IRF4: variants seen among roughly 807,000 people sequenced by gnomAD.
The protein encoded by IRF4 is interferon regulatory factor 4, also known as lymphocyte-specific interferon regulatory factor.
Under a neutral mutation model 55.5 loss-of-function variants are expected in IRF4, and 13 were observed. The ratio of observed to expected loss-of-function variants is 0.23; its 90% CI spans 0.15 to 0.37. The LOEUF is 0.37. Ranked by LOEUF, IRF4 falls within the 10% of genes least tolerant of loss-of-function variation. The pLI, the probability that IRF4 is intolerant of heterozygous loss-of-function variation, is 1.00. For synonymous variants in IRF4, 249 were observed against 240.7 expected (o/e 1.03, Z -0.32); for missense variants, 397 against 593.8 (o/e 0.67, Z 3.44).
intron 4 of IRF4, among the ~76,000 whole-genome samples, chr6:396,480 T>C (rs1435574362): frequency 2.0e-5 from 3 of 152,252 alleles, no homozygotes; most frequent in Non-Finnish European, 4.4e-5. Flanking sequence ...ATAAAATGCT[T>C]CGGCTGTCAG....
intron 4 of IRF4, among the ~76,000 whole-genome samples, chr6:396,506 C>T (rs1761262300): frequency 6.6e-6 from 1 of 152,208 alleles, no homozygotes; most frequent in Non-Finnish European, 1.5e-5. Context: ...TAAGGGATTC[C>T]CTGAGGAGTT....
rs769596072 is a variant in IRF4 at position 401,482 on chromosome 6, G to A, written c.804G>A (p.Thr268=). 2.8e-5 allele frequency: 45 copies of A among 1,613,676 alleles called. No individual in the cohort carries two copies. The highest frequency in any genetic ancestry group is 1.2e-4 in the Admixed American group (7 of 60,010). Residue 268 remains threonine, a synonymous_variant, in exon 7 of 9, where the codon ACG becomes ACA. Coordinates refer to ENST00000380956, the MANE Select transcript of IRF4 (RefSeq NM_002460.4). The stretch of plus-strand genomic sequence containing the variant: ...AAATCCTCGTGAAGGAGCTGACCAC[G>A]TCCAGCCCCGAGGGCTGCCGGATCT... ...YREILVKELT[T]SSPEGCRISH... is the part of the protein sequence containing the mutation.
chr6:398,763 A>T (rs2127438760), intron 5 of IRF4, 65 bp from the exon 6 acceptor site: 2 of 1,190,440 alleles, frequency 1.7e-6, no homozygotes, highest in Admixed American at 1.9e-5. Context: ...CACACACCCC[A>T]GGAAGCCCCG....
At position 410,825 on chromosome 6, in the gene IRF4, C is replaced by G. The variant is rs1266070915; in HGVS notation, c.*3227C>G. 1 of 232,418 alleles carries G rather than the reference C, an allele frequency of 4.3e-6. No homozygotes were observed. Among genetic ancestry groups the G allele is most frequent in the Non-Finnish European group, 8.5e-6 (1 of 117,518 alleles). 14.4% of individuals were successfully genotyped at this position (232,418 alleles called of 1,614,324 possible). A position where few individuals can be genotyped will look rare whatever the true frequency, so the allele number is the denominator to read the frequency against. On this transcript the variant is annotated 3_prime_UTR_variant, in exon 9 of 9. Coordinates refer to ENST00000380956, the MANE Select transcript of IRF4 (RefSeq NM_002460.4). ...GTCTTTATTTGTATTACGTATCTCC[C>G]CAAGTCCTCTGTGGCCAGCTGCATC...
At chr6:399,502 T>A (rs76253039) in intron 6 of IRF4, among the ~76,000 whole-genome samples, 20 of 144,348 alleles carry the variant, frequency 1.4e-4, no homozygotes, top group South Asian at 2.2e-4. Flanking sequence ...GTTTTATTTC[T>A]AAAAAAAAAA....
intron 1 of IRF4, among the ~76,000 whole-genome samples, chr6:392,094 C>T (rs1293468265): frequency 1.3e-5 from 2 of 152,230 alleles, no homozygotes; most frequent in African/African-American, 4.8e-5. Flanking sequence ...ATGAGCTAAC[C>T]GGACTGTCGG....
intron 7 of IRF4, among the ~76,000 whole-genome samples, chr6:404,346 C>T (rs1267922886): frequency 1.3e-5 from 2 of 152,142 alleles, no homozygotes; most frequent in Non-Finnish European, 2.9e-5. Flanking sequence ...TATCCACAAG[C>T]GGGAGGCCAG....
Position 393,020 on chromosome 6 carries a change from G to T in IRF4, c.-55-78G>T. 1 of 813,374 alleles carries T rather than the reference G, an allele frequency of 1.2e-6. No individual in the cohort carries two copies. The allele number at this position is 813,374 out of a possible 1,614,324, so 50.4% of individuals were successfully genotyped here. A position where few individuals can be genotyped will look rare whatever the true frequency, so the allele number is the denominator to read the frequency against. ...GCCTCAAAGACTCCGGGGCCTCGTG[G>T]TCACTGGCGCAGGGGATCGGGGCGG... On this transcript the variant is annotated intron_variant, in intron 1 of 8. Transcript: ENST00000380956. This position sits in a 1 kb window ranked among gnomAD's most constrained non-coding sequence, Gnocchi z 5.4.
rs552241242 is a variant in IRF4 at position 410,743 on chromosome 6, C to G, written c.*3145C>G. On this transcript the variant is annotated 3_prime_UTR_variant, in exon 9 of 9. Coordinates refer to ENST00000380956, the MANE Select transcript of IRF4 (RefSeq NM_002460.4). ...ACTTCCGTTCATTGCTCTCCAGTCA[C>G]ATGCCCCCACTTCCCCACAGGTGAA... 4.3e-6 allele frequency: 1 copy of G among 231,924 alleles called. No homozygotes were observed. The highest frequency in any genetic ancestry group is 5.6e-5 in the Admixed American group (1 of 17,752). 14.4% of individuals were successfully genotyped at this position (231,924 alleles called of 1,614,324 possible).
chr6:410,199 A>AC lies in IRF4; in HGVS notation c.*2601_*2602insC. The stretch of plus-strand genomic sequence containing the variant: ...GCTGTTGAAGATTTGAGGACTTGTT[A>AC]AAGAGCACTGGGTCATATGGAAAAA... On this transcript the variant is annotated 3_prime_UTR_variant, in exon 9 of 9. Transcript: ENST00000380956. The AC allele has an allele frequency of 8.7e-6, 2 of 229,830 alleles. No individual in the cohort carries two copies. Among genetic ancestry groups the AC allele is most frequent in the East Asian group, 1.2e-4 (2 of 16,220 alleles). 14.2% of individuals were successfully genotyped at this position (229,830 alleles called of 1,614,324 possible). A position where few individuals can be genotyped will look rare whatever the true frequency, so the allele number is the denominator to read the frequency against.
rs1761190963 is a variant in IRF4 at position 393,934 on chromosome 6, C to G, written c.216+566C>G. Among the ~76,000 whole-genome samples, 1 of 152,184 alleles carries G rather than the reference C, an allele frequency of 6.6e-6. No homozygotes were observed. Among genetic ancestry groups the G allele is most frequent in the South Asian group, 2.1e-4 (1 of 4,828 alleles). On this transcript the variant is annotated intron_variant, in intron 2 of 8. Coordinates refer to ENST00000380956, the MANE Select transcript of IRF4 (RefSeq NM_002460.4). This position sits in a 1 kb window ranked among gnomAD's most constrained non-coding sequence, Gnocchi z 5.4. The stretch of plus-strand genomic sequence containing the variant: ...CACCTCTGTCTTTCTCTTTGTGTGT[C>G]TCTGTCTCTCTCTTTCCCCCATCGC...
Position 393,076 on chromosome 6 carries a change from A to C in IRF4, c.-55-22A>C, listed in dbSNP as rs1442893680. The C allele has an allele frequency of 7.4e-7, 1 of 1,346,848 alleles. No homozygotes were observed. Among genetic ancestry groups the C allele is most frequent in the Non-Finnish European group, 1.0e-6 (1 of 987,660 alleles). 83.4% of individuals were successfully genotyped at this position (1,346,848 alleles called of 1,614,324 possible). A position where few individuals can be genotyped will look rare whatever the true frequency, so the allele number is the denominator to read the frequency against. On this transcript the variant is annotated intron_variant, in intron 1 of 8. Coordinates refer to ENST00000380956, the MANE Select transcript of IRF4 (RefSeq NM_002460.4). This position sits in a 1 kb window ranked among gnomAD's most constrained non-coding sequence, Gnocchi z 5.4. Reference sequence around the variant, plus strand: ...CCGGAGTGCGGTGCCTCGTGGCTGAAGGGCAGCTCTTCTCCCCGCAGTGCA... The same window carrying C: ...CCGGAGTGCGGTGCCTCGTGGCTGACGGGCAGCTCTTCTCCCCGCAGTGCA...
rs1282017779 is a variant in IRF4 at position 393,124 on chromosome 6, C to G, written c.-29C>G. ...GCAGAGCAGAGCGGGCGGAGGACCC[C>G]GGGCGCGGGCGCGGACGGCACGCGG... On this transcript the variant is annotated 5_prime_UTR_variant, in exon 2 of 9. Transcript: ENST00000380956. The surrounding 1 kb of genome is among the most constrained non-coding windows in gnomAD (Gnocchi z 5.4). The G allele has an allele frequency of 6.5e-6, 10 of 1,542,240 alleles. No homozygotes were observed. The highest frequency in any genetic ancestry group is 8.8e-6 in the Non-Finnish European group (10 of 1,142,252).
At chr6:398,690 G>A (rs1231379553) in intron 5 of IRF4, 138 bp from the exon 6 acceptor site, 3 of 570,124 alleles carry the variant, frequency 5.3e-6, no homozygotes, top group Non-Finnish European at 9.4e-6. Flanking sequence ...CCTGCTAGTT[G>A]CTGGTGCTGG....
At chr6:405,398 T>G (rs562299568) in intron 8 of IRF4, among the ~76,000 whole-genome samples, 1 of 152,318 alleles carries the variant, frequency 6.6e-6, no homozygotes, top group South Asian at 2.1e-4. Flanking sequence ...CTTTTTTATT[T>G]TTCAGGAAAG....
chr6:403,348 G>C (rs1397538385), intron 7 of IRF4, among the ~76,000 whole-genome samples: 1 of 152,244 alleles, frequency 6.6e-6, no homozygotes, highest in Non-Finnish European at 1.5e-5. Context: ...AGGCCCACTG[G>C]GCCTGGATTT....
rs1412056884 is a variant in IRF4, at chr6:407,811, G to C, written c.*213G>C. On this transcript the variant is annotated 3_prime_UTR_variant, in exon 9 of 9. Coordinates refer to ENST00000380956, the MANE Select transcript of IRF4 (RefSeq NM_002460.4). The stretch of plus-strand genomic sequence containing the variant: ...GAGCCACTGCACCCACCCAAGACAA[G>C]TGATTTTCATTGTAAATATTTGACT... 2.0e-6 allele frequency: 1 copy of C among 512,708 alleles called. No individual in the cohort carries two copies. The highest frequency in any genetic ancestry group is 3.4e-6 in the Non-Finnish European group (1 of 296,378). 31.8% of individuals were successfully genotyped at this position (512,708 alleles called of 1,614,324 possible). A position where few individuals can be genotyped will look rare whatever the true frequency, so the allele number is the denominator to read the frequency against.
intron 2 of IRF4, among the ~76,000 whole-genome samples, chr6:394,107 C>T (rs958097124): frequency 6.6e-6 from 1 of 152,210 alleles, no homozygotes; most frequent in Non-Finnish European, 1.5e-5. Context: ...GTGGGCAGAG[C>T]AGGGGAAGGG....
chr6:403,270 C>T (rs1332539677), intron 7 of IRF4, among the ~76,000 whole-genome samples: 15 of 152,246 alleles, frequency 9.9e-5, no homozygotes, highest in Non-Finnish European at 1.5e-5. Context: ...GGGGACCCCC[C>T]CTCCCCTGTC....
Sources: gnomAD v4.1 joint callset for allele counts (sites outside exome capture counted in the v4.1 genomes callset) on GRCh38, gnomAD v4.1.1 for gene constraint, Gnocchi (gnomAD v3.1) non-coding constraint, MANE v1.5 for transcripts, NCBI Gene and HGNC (gene_info 2026-07-23, HGNC 2026-07-21) for gene names.